PTCHD4: variants seen among roughly 807,000 people sequenced by gnomAD.
PTCHD4 encodes the protein patched domain-containing protein 4.
A neutral mutation model predicts 58.1 loss-of-function variants in PTCHD4; 33 were observed. The ratio of observed to expected loss-of-function variants is 0.57; its 90% CI spans 0.43 to 0.76. The LOEUF is 0.76. Ranked by LOEUF, PTCHD4 falls within the 30% of genes least tolerant of loss-of-function variation. The pLI, the probability that PTCHD4 is intolerant of heterozygous loss-of-function variation, is 0.00. For synonymous variants in PTCHD4, 478 were observed against 409.6 expected, an observed-to-expected ratio of 1.17 and a Z score of -2.02; for missense variants, 1,058 against 1,027.1, an observed-to-expected ratio of 1.03 and a Z score of -0.41.
At chr6:48,050,924 C>A (rs1764210548) in intron 3 of PTCHD4, among the ~76,000 whole-genome samples, 1 of 152,038 alleles carries the variant, frequency 6.6e-6, no homozygotes, top group East Asian at 1.9e-4. Context: ...ATTAATTGGG[C>A]AGTTGTGTAA....
In PTCHD4 at chr6:48,092,171, C is replaced by T. The variant is rs550521851; in HGVS notation, c.-970+18878G>A. On this transcript the variant is annotated intron_variant, in intron 1 of 4. Coordinates refer to ENST00000339488, the MANE Select transcript of PTCHD4 (RefSeq NM_001384253.1). Reference sequence around the variant, plus strand: ...GTTCAGTGGTTTTAATTCTAATTTTCCCATTCCATATTTGGAAAATGAAAC... The same window carrying T: ...GTTCAGTGGTTTTAATTCTAATTTTTCCATTCCATATTTGGAAAATGAAAC... Among the ~76,000 whole-genome samples, 9 of 152,244 alleles carry T rather than the reference C, an allele frequency of 5.9e-5. No homozygotes were observed. In the South Asian group the frequency reaches 1.9e-3, roughly 32 times the overall value.
At position 47,878,867 on chromosome 6, in the gene PTCHD4, C is replaced by T. The variant is rs41273690; in HGVS notation, c.1968G>A (p.Val656=). Residue 656 remains valine (V), a synonymous_variant, in exon 5 of 5, where the codon GTG becomes GTA. Transcript: ENST00000339488. The part of the protein sequence containing the change: ...FMDHYSLSVT[V]PVLIAGFGVL... ...CACCAAAGCCTGCAATCAGAACAGG[C>T]ACTGTGACAGACAAGCTGTAATGGT... 62,908 of 1,613,572 alleles carry T rather than the reference C, an allele frequency of 0.039. 1,554 individuals are homozygous for T. Among genetic ancestry groups the T allele is most frequent in the Non-Finnish European group, 0.043 (50,859 of 1,179,724 alleles).
Position 48,108,684 on chromosome 6 carries a change from T to C in PTCHD4, c.-970+2365A>G, listed in dbSNP as rs903131871. Among the ~76,000 whole-genome samples the C allele has an allele frequency of 2.0e-5, 3 of 151,990 alleles. No homozygotes were observed. In the East Asian group the frequency reaches 5.8e-4, roughly 29 times the overall value. ...CCAAGTTGATTCTGGGAGAAACAAT[T>C]ATAGCCTTATCTGCAATGAAAAGTA... On this transcript the variant is annotated intron_variant, in intron 1 of 4. Transcript: ENST00000339488.
chr6:48,020,554 T>C (rs910392995), intron 3 of PTCHD4, among the ~76,000 whole-genome samples: 3 of 151,978 alleles, frequency 2.0e-5, no homozygotes, highest in Admixed American at 6.6e-5. Context: ...TAATAATACA[T>C]GTAGTGAATA....
rs1223280107 is a variant in PTCHD4 at position 47,862,655 on chromosome 6, G to A, written c.*15648C>T. 6.6e-6 allele frequency among the ~76,000 whole-genome samples: 1 copy of A among 151,764 alleles called. No homozygotes were observed. Among genetic ancestry groups the A allele is most frequent in the Non-Finnish European group, 1.5e-5 (1 of 67,814 alleles). Reference sequence around the variant, plus strand: ...TGTTATTTTAATTGAAATTCATGCTGATGAATCATTTTTCCTTAAGTATTC... The same window carrying A: ...TGTTATTTTAATTGAAATTCATGCTAATGAATCATTTTTCCTTAAGTATTC... On this transcript the variant is annotated 3_prime_UTR_variant, in exon 5 of 5. Transcript: ENST00000339488.
At position 47,884,949 on chromosome 6, in the gene PTCHD4, T is replaced by C. The variant is rs1377406544; in HGVS notation, c.899-5013A>G. Among the ~76,000 whole-genome samples, 7 of 152,214 alleles carry C rather than the reference T, an allele frequency of 4.6e-5. No individual in the cohort carries two copies. In the East Asian group the frequency reaches 1.3e-3, roughly 29 times the overall value. ...TTGTGTGTTTAAAGTTTATAATTGT[T>C]ATTTTTTTTCCCTCAGTAGAGATTA... On this transcript the variant is annotated intron_variant, in intron 4 of 4. Transcript: ENST00000339488.
chr6:47,879,965 T>C, intron 4 of PTCHD4, 29 bp from the exon 5 acceptor site: 1 of 1,420,156 alleles, frequency 7.0e-7, no homozygotes, highest in Non-Finnish European at 9.3e-7. Flanking sequence ...AAAATAATAA[T>C]TATTTTTATT....
At chr6:47,904,919 T>C (rs1233938292) in intron 4 of PTCHD4, among the ~76,000 whole-genome samples, 1 of 152,016 alleles carries the variant, frequency 6.6e-6, no homozygotes, top group Non-Finnish European at 1.5e-5. Flanking sequence ...CCAATGGAAA[T>C]GCCATTTGAG....
intron 4 of PTCHD4, among the ~76,000 whole-genome samples, chr6:47,906,417 G>T (rs934839117): frequency 2.6e-5 from 4 of 152,134 alleles, no homozygotes; most frequent in African/African-American, 9.7e-5. Context: ...CACTCAGCAT[G>T]AGACATATTG....
chr6:47,898,237 C>A (rs114527603), intron 4 of PTCHD4, among the ~76,000 whole-genome samples: 2,192 of 152,254 alleles, frequency 0.014, 56 homozygotes, highest in African/African-American at 0.05. Context: ...AGCCACTGCA[C>A]CCAGCCATCA....
At chr6:48,044,652 A>C (rs551973630) in intron 3 of PTCHD4, among the ~76,000 whole-genome samples, 3 of 151,984 alleles carry the variant, frequency 2.0e-5, no homozygotes, top group Admixed American at 2.0e-4. Flanking sequence ...TCATTTGCTT[A>C]TGCAGTTTAC....
chr6:47,899,351 G>A (rs1047580037), intron 4 of PTCHD4, among the ~76,000 whole-genome samples: 1 of 152,144 alleles, frequency 6.6e-6, no homozygotes, highest in Non-Finnish European at 1.5e-5. Context: ...TTGACAGATT[G>A]AATACAAATA....
intron 3 of PTCHD4, among the ~76,000 whole-genome samples, chr6:48,012,424 G>T (rs1762712068): frequency 6.6e-6 from 1 of 151,908 alleles, no homozygotes; most frequent in Non-Finnish European, 1.5e-5. Flanking sequence ...CATTGATTTT[G>T]TATCCTGAGA....
rs1186567063 is a variant in PTCHD4 at position 47,864,146 on chromosome 6, T to C, written c.*14157A>G. 3.3e-5 allele frequency among the ~76,000 whole-genome samples: 5 copies of C among 151,924 alleles called. No individual in the cohort carries two copies. The East Asian group carries it at 9.7e-4, about 29-fold the overall frequency. ...AGCATTAGCATCACCTGAAAACTTG[T>C]TAGAAATGTAAATTTTCAGGCCTCA... On this transcript the variant is annotated 3_prime_UTR_variant, in exon 5 of 5. Coordinates refer to ENST00000339488, the MANE Select transcript of PTCHD4 (RefSeq NM_001384253.1).
At chr6:47,973,497 C>A (rs535077298) in intron 4 of PTCHD4, among the ~76,000 whole-genome samples, 27 of 152,268 alleles carry the variant, frequency 1.8e-4, no homozygotes, top group African/African-American at 6.0e-4. Flanking sequence ...CAACCGGGAA[C>A]CTGTGAATCA....
rs569695078 is a variant in PTCHD4 at position 48,012,557 on chromosome 6, C to T, written c.418-3443G>A. 5.9e-5 allele frequency among the ~76,000 whole-genome samples: 9 copies of T among 152,184 alleles called. 1 individual carries two copies. In the East Asian group the frequency reaches 7.7e-4, roughly 13 times the overall value. Reference sequence around the variant, plus strand: ...GACTTCCTCTCTTCCTATTTGAATACGCTTTATTTCTTTCTCTTTCCTGAT... The same window carrying T: ...GACTTCCTCTCTTCCTATTTGAATATGCTTTATTTCTTTCTCTTTCCTGAT... On this transcript the variant is annotated intron_variant, in intron 3 of 4. Coordinates refer to ENST00000339488, the MANE Select transcript of PTCHD4 (RefSeq NM_001384253.1).
At chr6:47,927,755 G>C (rs1458251135) in intron 4 of PTCHD4, among the ~76,000 whole-genome samples, 1 of 151,580 alleles carries the variant, frequency 6.6e-6, no homozygotes, top group South Asian at 2.1e-4. Flanking sequence ...AAAGTCAATG[G>C]TTTTTTATTT....
intron 4 of PTCHD4, among the ~76,000 whole-genome samples, chr6:47,977,918 G>A (rs1434515009): frequency 1.3e-5 from 2 of 152,150 alleles, no homozygotes; most frequent in Middle Eastern, 3.4e-3. Flanking sequence ...GTGCCCTCTC[G>A]ACTAACATGT....
In PTCHD4 at chr6:48,008,565, G is replaced by T. The variant is rs916147180; in HGVS notation, c.898+69C>A. The stretch of plus-strand genomic sequence containing the variant: ...AAAATTAAAACAGATTTCCACCTGA[G>T]AATTCAAGAAATATACTACCTTGCC... On this transcript the variant is annotated intron_variant, in intron 4 of 4. Transcript: ENST00000339488. 1.5e-5 allele frequency: 22 copies of T among 1,498,374 alleles called. No individual in the cohort carries two copies. The Admixed American group carries it at 4.8e-4, about 33-fold the overall frequency. 92.8% of individuals were successfully genotyped at this position (1,498,374 alleles called of 1,614,324 possible).
Sources: gnomAD v4.1 joint callset for allele counts (sites outside exome capture counted in the v4.1 genomes callset) on GRCh38, gnomAD v4.1.1 for gene constraint, MANE v1.5 for transcripts, NCBI Gene and HGNC (gene_info 2026-07-23, HGNC 2026-07-21) for gene names.